Variants in SMOC2 observed in about 807,000 individuals in gnomAD.
SMOC2 encodes the protein SPARC-related modular calcium-binding protein 2.
In SMOC2, 39 loss-of-function variants were observed where a neutral mutation model predicts 61.4. The observed-to-expected ratio is 0.64, with a 90% CI of 0.49 to 0.83. SMOC2 has a LOEUF of 0.83. SMOC2 is among the 40% of genes least tolerant of loss of function. The pLI is 0.00. For synonymous variants in SMOC2, 247 were observed against 239.9 expected (o/e 1.03, Z -0.27); for missense variants, 556 against 592.9 (o/e 0.94, Z 0.65).
intron 8 of SMOC2, among the ~76,000 whole-genome samples, chr6:168,599,536 CCACTCACA>C (rs1562372908): frequency 3.9e-4 from 27 of 69,446 alleles, no homozygotes; most frequent in Non-Finnish European, 4.6e-4. Flanking sequence ...CCCCACACAC[CCACTCACA>C]CACACTCATA....
intron 9 of SMOC2, among the ~76,000 whole-genome samples, chr6:168,636,241 G>C (rs776349085): frequency 1.3e-5 from 2 of 152,162 alleles, no homozygotes; most frequent in African/African-American, 4.8e-5. Flanking sequence ...TTAAGGATGA[G>C]TGGCATGGTG....
chr6:168,553,447 C>G lies in SMOC2; in HGVS notation c.637+4244C>G, dbSNP rs558758071. On this transcript the variant is annotated intron_variant, in intron 7 of 12. Transcript: ENST00000356284. This position sits in a 1 kb window ranked among gnomAD's most constrained non-coding sequence, Gnocchi z 4.2. ...ATGTAAGATTTAAACAAATGTAAAT[C>G]GAATTAGTACTCTTCCCTACTGGCA... 6.6e-6 allele frequency among the ~76,000 whole-genome samples: 1 copy of G among 152,244 alleles called. No individual in the cohort carries two copies. The highest frequency in any genetic ancestry group is 2.1e-4 in the South Asian group (1 of 4,822).
At chr6:168,604,366 T>C (rs567605619) in intron 8 of SMOC2, among the ~76,000 whole-genome samples, 4 of 152,178 alleles carry the variant, frequency 2.6e-5, no homozygotes, top group East Asian at 4.0e-4. Flanking sequence ...CTGGTTTGAA[T>C]TGATCACCTA....
chr6:168,653,103 A>T lies in SMOC2; in HGVS notation c.1160A>T (p.Lys387Ile). 6.2e-7 allele frequency: 1 copy of T among 1,614,188 alleles called. No individual in the cohort carries two copies. The highest frequency in any genetic ancestry group is 8.5e-7 in the Non-Finnish European group (1 of 1,180,040). ...CTTCGCAAAAAATCAAAGCCCAAAA[A>T]ATGTGTGAAGAAGTTTGTTGAATAC... ...RFLRKKSKPK[K>I]CVKKFVEYCD... Residue 387 changes from lysine to isoleucine, a missense_variant, in exon 11 of 13, where the codon AAA (lysine) becomes ATA (isoleucine). Physicochemically the swap from Lys to Ile is moderately radical, Grantham distance 102 (BLOSUM62 -3). Transcript: ENST00000356284.
At chr6:168,462,079 G>A (rs1214274932) in intron 1 of SMOC2, among the ~76,000 whole-genome samples, 1 of 151,844 alleles carries the variant, frequency 6.6e-6, no homozygotes, top group Non-Finnish European at 1.5e-5. Flanking sequence ...GGGCCTCCTT[G>A]TCCAGATCAA....
intron 7 of SMOC2, 77 bp downstream of exon 7, chr6:168,549,280 T>G (rs542972238): frequency 7.2e-7 from 1 of 1,387,796 alleles, no homozygotes; most frequent in East Asian, 2.3e-5. Flanking sequence ...TTTTTGGAGT[T>G]AAGTGTATTG....
At chr6:168,526,553 A>G in intron 3 of SMOC2, 101 bp downstream of exon 3, 2 of 904,376 alleles carry the variant, frequency 2.2e-6, no homozygotes, top group Non-Finnish European at 1.8e-6. Context: ...GAACAGAAGA[A>G]GCAGCGGGTT....
At chr6:168,501,117 G>C (rs1782718521) in intron 1 of SMOC2, among the ~76,000 whole-genome samples, 1 of 152,184 alleles carries the variant, frequency 6.6e-6, no homozygotes, top group Non-Finnish European at 1.5e-5. Context: ...GTCATTGCCA[G>C]AGATAATTAT....
chr6:168,614,347 A>G (rs146999552), intron 9 of SMOC2, among the ~76,000 whole-genome samples: 744 of 28,042 alleles, frequency 0.027, 12 homozygotes, highest in Middle Eastern at 0.13. Context: ...CCAGCACAGG[A>G]CCTCTTCATA....
At chr6:168,582,872 C>T (rs1182679288) in intron 7 of SMOC2, among the ~76,000 whole-genome samples, 3 of 152,122 alleles carry the variant, frequency 2.0e-5, no homozygotes, top group Admixed American at 1.3e-4. Flanking sequence ...GGCCTTGCCC[C>T]TCCCGGTTTT....
chr6:168,445,937 G>C (rs1781322855), intron 1 of SMOC2, among the ~76,000 whole-genome samples: 1 of 152,208 alleles, frequency 6.6e-6, no homozygotes, highest in African/African-American at 2.4e-5. Context: ...GAACCGAACA[G>C]ATTTCTCAGT....
chr6:168,450,178 C>CT (rs1781429475), intron 1 of SMOC2, among the ~76,000 whole-genome samples: 1 of 152,222 alleles, frequency 6.6e-6, no homozygotes, highest in African/African-American at 2.4e-5. Flanking sequence ...GTCTAGGCCT[C>CT]TGTCTTTGGA....
intron 7 of SMOC2, among the ~76,000 whole-genome samples, chr6:168,568,248 G>C (rs370390857): frequency 5.3e-5 from 8 of 152,288 alleles, no homozygotes; most frequent in Middle Eastern, 3.4e-3. Flanking sequence ...AGCATTTAGC[G>C]CGTCTTCTCA....
chr6:168,550,796 A>G (rs2115108847), intron 7 of SMOC2, among the ~76,000 whole-genome samples: 1 of 152,308 alleles, frequency 6.6e-6, no homozygotes, highest in East Asian at 1.9e-4. Context: ...TTATATGGAG[A>G]TATTAATCTC....
rs747371889 is a variant in SMOC2 at position 168,653,214 on chromosome 6, C to G, written c.1271C>G (p.Thr424Ser). 9.9e-6 allele frequency: 16 copies of G among 1,612,652 alleles called. No homozygotes were observed. The highest frequency in any genetic ancestry group is 1.3e-5 in the African/African-American group (1 of 74,724). ...GVAKEDGKAD[T>S]KKRHTPRGHA... ...GCGAAAGAGGACGGCAAAGCGGACACCAAGAAACGCCACAGTAAGAGCTTT... is the reference window on the plus strand; with the variant it reads ...GCGAAAGAGGACGGCAAAGCGGACAGCAAGAAACGCCACAGTAAGAGCTTT... The change falls in exon 11 of 13, where the codon ACC (threonine) becomes AGC (serine). Residue 424 changes from threonine (T) to serine (S), a missense_variant. Coordinates refer to ENST00000356284, the MANE Select transcript of SMOC2 (RefSeq NM_001166412.2).
chr6:168,574,094 C>T (rs1285737124), intron 7 of SMOC2, among the ~76,000 whole-genome samples: 2 of 152,364 alleles, frequency 1.3e-5, no homozygotes, highest in Middle Eastern at 3.4e-3. Context: ...CAAGCGCACT[C>T]AATATTTCCT....
At chr6:168,617,404 T>C (rs1480262601) in intron 9 of SMOC2, among the ~76,000 whole-genome samples, 1 of 152,156 alleles carries the variant, frequency 6.6e-6, no homozygotes, top group African/African-American at 2.4e-5. Context: ...GCAGGAGCTT[T>C]TCTCACACCC....
At chr6:168,623,199 G>A (rs16886236) in intron 9 of SMOC2, among the ~76,000 whole-genome samples, 26,315 of 152,142 alleles carry the variant, frequency 0.17, 2,435 homozygotes, top group Middle Eastern at 0.3. Flanking sequence ...GATTGAGTCA[G>A]CAAACCAAGG....
chr6:168,602,133 C>G (rs940071780), intron 8 of SMOC2, among the ~76,000 whole-genome samples: 1 of 152,166 alleles, frequency 6.6e-6, no homozygotes, highest in African/African-American at 2.4e-5. Flanking sequence ...GAGGCCCCAC[C>G]TCTCCTGCGG....
Sources: allele counts gnomAD v4.1 joint callset (sites outside exome capture counted in the v4.1 genomes callset), GRCh38; gene constraint gnomAD v4.1.1; non-coding constraint Gnocchi (gnomAD v3.1); transcripts MANE v1.5; gene names NCBI Gene and HGNC (gene_info 2026-07-23, HGNC 2026-07-21).